TBC1D4: variants seen among roughly 807,000 people sequenced by gnomAD.
The protein encoded by TBC1D4 is TBC1 domain family member 4.
In TBC1D4, 121 loss-of-function variants were observed where a neutral mutation model predicts 142.5. The ratio of observed to expected loss-of-function variants is 0.85; its 90% confidence interval spans 0.73 to 0.99. The LOEUF (loss-of-function observed/expected upper bound fraction) is 0.99. Ranked by LOEUF, TBC1D4 falls within the 50% of genes least tolerant of loss-of-function variation. TBC1D4 has a pLI of 0.00. For synonymous variants in TBC1D4, 630 were observed against 628.2 expected (o/e 1.00, Z -0.04); for missense variants, 1,475 against 1,606.6 (o/e 0.92, Z 1.40).
chr13:75,410,120 T>C (rs541336322), intron 1 of TBC1D4, among the ~76,000 whole-genome samples: 1 of 152,222 alleles, frequency 6.6e-6, no homozygotes. Context: ...CTAATGTACG[T>C]AAATAACGGT....
chr13:75,466,869 CA>C (rs555084235), intron 1 of TBC1D4, among the ~76,000 whole-genome samples: 8 of 144,486 alleles, frequency 5.5e-5, no homozygotes, highest in African/African-American at 1.3e-4. Context: ...GACTCTGTCT[CA>C]AAAAAAAATA....
At chr13:75,406,098 C>CT (rs1172640696) in intron 1 of TBC1D4, among the ~76,000 whole-genome samples, 3 of 152,190 alleles carry the variant, frequency 2.0e-5, no homozygotes, top group Non-Finnish European at 4.4e-5. Context: ...TTTCAAACAG[C>CT]TGCAGTGTTT....
intron 1 of TBC1D4, among the ~76,000 whole-genome samples, chr13:75,363,143 C>T (rs946421521): frequency 5.9e-5 from 9 of 152,262 alleles, no homozygotes; most frequent in African/African-American, 2.2e-4. Flanking sequence ...CAACTGAACT[C>T]TCATACATTG....
At chr13:75,405,551 C>G (rs529992443) in intron 1 of TBC1D4, among the ~76,000 whole-genome samples, 6 of 152,140 alleles carry the variant, frequency 3.9e-5, no homozygotes, top group African/African-American at 1.2e-4. Flanking sequence ...AGATTACAGG[C>G]GTGAGCCACT....
At chr13:75,440,971 G>C (rs904735735) in intron 1 of TBC1D4, among the ~76,000 whole-genome samples, 2 of 152,068 alleles carry the variant, frequency 1.3e-5, no homozygotes, top group Non-Finnish European at 2.9e-5. Context: ...TTAAAAAAGA[G>C]GACAGGCCAG....
rs570717898 is a variant in TBC1D4 at position 75,331,960 on chromosome 13, G to A, written c.1732-4134C>T. On this transcript the variant is annotated intron_variant, in intron 8 of 20. Transcript: ENST00000377636. ...CCAAAAAGTGCAATCTGTTGCACAC[G>A]GTACAAGCAAGACCTTGTTAGGTCG... Among the ~76,000 whole-genome samples the A allele has an allele frequency of 5.9e-5, 9 of 152,190 alleles. No homozygotes were observed. In the South Asian group the frequency reaches 1.7e-3, roughly 28 times the overall value.
At chr13:75,471,487 C>A (rs1205163372) in intron 1 of TBC1D4, among the ~76,000 whole-genome samples, 1 of 152,212 alleles carries the variant, frequency 6.6e-6, no homozygotes, top group Non-Finnish European at 1.5e-5. Flanking sequence ...CCTATAATCC[C>A]AGCACTTTGG....
chr13:75,381,678 G>A (rs1883854498), intron 1 of TBC1D4, among the ~76,000 whole-genome samples: 1 of 152,152 alleles, frequency 6.6e-6, no homozygotes, highest in Admixed American at 6.5e-5. Context: ...ATCATTGCAG[G>A]TTCAGTCAAA....
intron 1 of TBC1D4, among the ~76,000 whole-genome samples, chr13:75,365,113 A>T (rs1882827905): frequency 6.6e-6 from 1 of 152,204 alleles, no homozygotes; most frequent in Non-Finnish European, 1.5e-5. Context: ...CTCAACACCT[A>T]AATGTAATTC....
chr13:75,312,808 G>A lies in TBC1D4; in HGVS notation c.2313C>T (p.Ser771=), dbSNP rs888595326. The A allele has an allele frequency of 2.5e-6, 4 of 1,614,102 alleles. No homozygotes were observed. In the South Asian group the frequency reaches 4.4e-5, roughly 18 times the overall value. Residue 771 remains serine (S), a synonymous_variant, in exon 13 of 21, where the codon TCC becomes TCT. Transcript: ENST00000377636. ...GGTSVTPRRI[S]WRQRIFLRVA... Reference sequence around the variant, plus strand: ...CCCTGAGGAAAATGCGCTGCCGCCAGGAGATCCGGCGAGGAGTGACAGAGG... The same window carrying A: ...CCCTGAGGAAAATGCGCTGCCGCCAAGAGATCCGGCGAGGAGTGACAGAGG...
intron 8 of TBC1D4, among the ~76,000 whole-genome samples, chr13:75,329,278 T>C (rs1051676309): frequency 1.3e-5 from 2 of 152,154 alleles, no homozygotes; most frequent in African/African-American, 2.4e-5. Flanking sequence ...ATATCTTATA[T>C]ATTTTGTTTT....
intron 1 of TBC1D4, among the ~76,000 whole-genome samples, chr13:75,388,326 G>C (rs544161132): frequency 6.6e-6 from 1 of 152,154 alleles, no homozygotes; most frequent in Non-Finnish European, 1.5e-5. Flanking sequence ...AGGGGCCATA[G>C]TTCTGCCTAC....
Position 75,337,020 on chromosome 13 carries a change from G to A in TBC1D4, c.1632C>T (p.Ile544=). Residue 544 remains isoleucine (I), a synonymous_variant, in exon 8 of 21, where the codon ATC becomes ATT. Coordinates refer to ENST00000377636, the MANE Select transcript of TBC1D4 (RefSeq NM_014832.5). ...EGPSTISNST[I]PENATSSGRF... The stretch of plus-strand genomic sequence containing the variant: ...TTCCACTGCTTGTTGCATTTTCTGG[G>A]ATTGTACTATTTGAAATAGTCTAAA... The A allele has an allele frequency of 1.2e-6, 2 of 1,612,964 alleles. No individual in the cohort carries two copies. Among genetic ancestry groups the A allele is most frequent in the Non-Finnish European group, 1.7e-6 (2 of 1,179,382 alleles).
chr13:75,359,942 T>C (rs1480181016), intron 2 of TBC1D4, 84 bp from the exon 3 acceptor site: 7 of 1,076,446 alleles, frequency 6.5e-6, no homozygotes, highest in South Asian at 2.6e-5. Context: ...ACTAATAATA[T>C]AGATTCAAAT....
chr13:75,398,171 A>G (rs1296918665), intron 1 of TBC1D4, among the ~76,000 whole-genome samples: 2 of 152,252 alleles, frequency 1.3e-5, no homozygotes, highest in Admixed American at 6.5e-5. Context: ...AAGTAGACAT[A>G]AGCTGTTCTT....
intron 13 of TBC1D4, among the ~76,000 whole-genome samples, chr13:75,310,515 G>T (rs1327350149): frequency 6.6e-6 from 1 of 152,196 alleles, no homozygotes; most frequent in Admixed American, 6.5e-5. Context: ...AGGTATCAGT[G>T]ATCTCCGAAG....
At chr13:75,453,893 T>C (rs1593903495) in intron 1 of TBC1D4, among the ~76,000 whole-genome samples, 1 of 151,860 alleles carries the variant, frequency 6.6e-6, no homozygotes, top group Non-Finnish European at 1.5e-5. Flanking sequence ...TTTAATAATA[T>C]CGAAAAAGAA....
At chr13:75,344,674 G>A (rs992201873) in intron 5 of TBC1D4, among the ~76,000 whole-genome samples, 1 of 152,122 alleles carries the variant, frequency 6.6e-6, no homozygotes, top group Non-Finnish European at 1.5e-5. Flanking sequence ...TCAGTCCACA[G>A]AGATGGCTGA....
chr13:75,401,720 T>G (rs957981609), intron 1 of TBC1D4, among the ~76,000 whole-genome samples: 1 of 152,330 alleles, frequency 6.6e-6, no homozygotes, highest in African/African-American at 2.4e-5. Flanking sequence ...GTTGTTGTTG[T>G]TCTTGTTGTT....
Sources: gnomAD v4.1 joint callset for allele counts (sites outside exome capture counted in the v4.1 genomes callset) on GRCh38, gnomAD v4.1.1 for gene constraint, MANE v1.5 for transcripts, NCBI Gene and HGNC (gene_info 2026-07-23, HGNC 2026-07-21) for gene names.